Variants in GAPVD1 observed in about 807,000 individuals in gnomAD.
The protein encoded by GAPVD1 is GTPase activating protein and VPS9 domains 1, also known as GTPase-activating protein and VPS9 domain-containing protein 1.
Under a neutral mutation model 155.5 loss-of-function variants are expected in GAPVD1, and 35 were observed. That is an observed-to-expected ratio of 0.23 (90% CI 0.17 to 0.30). GAPVD1 has a LOEUF of 0.30. Ranked by LOEUF, GAPVD1 falls within the 10% of genes least tolerant of loss-of-function variation. GAPVD1 has a pLI of 1.00. For missense variants in GAPVD1, 1,429 were observed against 1,775.7 expected (o/e 0.80, Z 3.51); for synonymous variants, 636 against 619.7 (o/e 1.03, Z -0.39).
At position 125,361,539 on chromosome 9, in the gene GAPVD1, A is replaced by G. The variant is rs373982705; in HGVS notation, c.4242+814A>G. ...ACTCCATCTTAAAAAAAAAAAAAGC[A>G]GTGCCTGAAGTTCTTAGTTGGGGCT... On this transcript the variant is annotated intron_variant, in intron 27 of 27. Coordinates refer to ENST00000297933, the MANE Select transcript of GAPVD1 (RefSeq NM_001282680.3). Among the ~76,000 whole-genome samples the G allele has an allele frequency of 1.7e-3, 251 of 151,834 alleles. 1 individual carries two copies. Among genetic ancestry groups the G allele is most frequent in the African/African-American group, 5.6e-3 (233 of 41,448 alleles).
intron 15 of GAPVD1, among the ~76,000 whole-genome samples, chr9:125,334,192 T>C (rs1162541252): frequency 6.7e-6 from 1 of 148,420 alleles, no homozygotes; most frequent in Non-Finnish European, 1.5e-5. Flanking sequence ...GTACTTACGG[T>C]GCATAGGCAA....
intron 17 of GAPVD1, among the ~76,000 whole-genome samples, chr9:125,340,797 A>G (rs1196791413): frequency 2.0e-5 from 3 of 152,214 alleles, no homozygotes; most frequent in East Asian, 3.9e-4. Flanking sequence ...CCGTGCTCCA[A>G]AAGTCACCTA....
intron 2 of GAPVD1, among the ~76,000 whole-genome samples, chr9:125,293,230 A>G (rs1838883340): frequency 6.6e-6 from 1 of 152,118 alleles, no homozygotes; most frequent in South Asian, 2.1e-4. Context: ...TGCTGGTTTT[A>G]GAAGGGAGAT....
intron 2 of GAPVD1, among the ~76,000 whole-genome samples, chr9:125,285,802 A>G (rs1186953600): frequency 6.6e-6 from 1 of 150,496 alleles, no homozygotes; most frequent in African/African-American, 2.4e-5. Flanking sequence ...ATGCTGTTGA[A>G]CTTATTTTAT....
In GAPVD1 at chr9:125,345,031, G is replaced by C. The variant is rs144007035; in HGVS notation, c.3047-1788G>C. On this transcript the variant is annotated intron_variant, in intron 19 of 27. Transcript: ENST00000297933. ...TCAGGGAATTGGTTCCAGGACTCTT[G>C]CCCCCCCACTTCATACCCTAATCCG... Among the ~76,000 whole-genome samples, 116 of 152,022 alleles carry C rather than the reference G, an allele frequency of 7.6e-4. 1 individual carries two copies. Among genetic ancestry groups the C allele is most frequent in the South Asian group, 3.9e-3 (19 of 4,812 alleles).
Position 125,344,807 on chromosome 9 carries a change from T to TA in GAPVD1, c.3047-1997dup, listed in dbSNP as rs1189792717. On this transcript the variant is annotated intron_variant, in intron 19 of 27. Coordinates refer to ENST00000297933, the MANE Select transcript of GAPVD1 (RefSeq NM_001282680.3). ...TGACAGAGCAAGACCTTGTTTCTAT[T>TA]AAAAAAAAAAAAAAAGGCAGTAGCC... Among the ~76,000 whole-genome samples the TA allele has an allele frequency of 6.7e-3, 894 of 134,144 alleles. 4 individuals carry two copies. Among genetic ancestry groups the TA allele is most frequent in the Non-Finnish European group, 8.1e-3 (498 of 61,618 alleles). The allele number at this position is 134,144 out of a possible 152,430, so 88.0% of individuals were successfully genotyped here.
At chr9:125,268,751 C>G (rs1245531121) in intron 1 of GAPVD1, among the ~76,000 whole-genome samples, 185 bp from the exon 2 acceptor site, 1 of 152,094 alleles carries the variant, frequency 6.6e-6, no homozygotes, top group Non-Finnish European at 1.5e-5. Context: ...CCACACTGGT[C>G]TCAAACTCCT....
intron 11 of GAPVD1, among the ~76,000 whole-genome samples, chr9:125,325,896 T>G (rs1161390730): frequency 6.6e-6 from 1 of 152,224 alleles, no homozygotes; most frequent in African/African-American, 2.4e-5. Context: ...ATTCATAAGC[T>G]TTAAATTCTG....
rs115126005 is a variant in GAPVD1, at chr9:125,364,744, G to C, written c.*1998G>C. 104 of 152,716 alleles carry C rather than the reference G, an allele frequency of 6.8e-4. No homozygotes were observed. The highest frequency in any genetic ancestry group is 2.2e-3 in the African/African-American group (91 of 41,556). The allele number at this position is 152,716 out of a possible 1,614,324, so 9.5% of individuals were successfully genotyped here. Reference sequence around the variant, plus strand: ...GTCGTGCACTTCATTGGCTGTAACTGTCAAACTTGCCTTGTATTAGAAGTT... The same window carrying C: ...GTCGTGCACTTCATTGGCTGTAACTCTCAAACTTGCCTTGTATTAGAAGTT... On this transcript the variant is annotated 3_prime_UTR_variant, in exon 28 of 28. Transcript: ENST00000297933.
intron 3 of GAPVD1, among the ~76,000 whole-genome samples, chr9:125,295,835 C>A (rs943210892): frequency 1.4e-4 from 22 of 152,116 alleles, no homozygotes; most frequent in African/African-American, 5.3e-4. Context: ...ATTTTATGTT[C>A]TCTTTCTATC....
At chr9:125,322,768 C>A (rs1025989947) in intron 10 of GAPVD1, among the ~76,000 whole-genome samples, 4 of 151,868 alleles carry the variant, frequency 2.6e-5, no homozygotes, top group African/African-American at 9.7e-5. Context: ...ATAATAACTT[C>A]TGGGCTGGGC....
At chr9:125,266,054 A>G (rs1190740280) in intron 1 of GAPVD1, among the ~76,000 whole-genome samples, 1 of 150,814 alleles carries the variant, frequency 6.6e-6, no homozygotes, top group Non-Finnish European at 1.5e-5. Context: ...AGTTGAAGAT[A>G]GGCGTACTCT....
chr9:125,355,356 G>A (rs1181263035), intron 24 of GAPVD1, among the ~76,000 whole-genome samples: 3 of 152,108 alleles, frequency 2.0e-5, no homozygotes, highest in Non-Finnish European at 2.9e-5. Flanking sequence ...CGCCCACCTC[G>A]GCTTCCCAAA....
chr9:125,348,780 G>A (rs1848892157), intron 20 of GAPVD1, among the ~76,000 whole-genome samples: 4 of 152,160 alleles, frequency 2.6e-5, no homozygotes, highest in Admixed American at 2.0e-4. Flanking sequence ...CCAAAGTGCT[G>A]GGATTACAGG....
At chr9:125,282,572 T>G (rs1836964309) in intron 2 of GAPVD1, among the ~76,000 whole-genome samples, 1 of 152,254 alleles carries the variant, frequency 6.6e-6, no homozygotes, top group South Asian at 2.1e-4. Context: ...AAGGTCATTT[T>G]GGTCAATTTT....
At chr9:125,262,145 C>T (rs1833020544) in intron 1 of GAPVD1, among the ~76,000 whole-genome samples, 186 bp downstream of exon 1, 1 of 152,052 alleles carries the variant, frequency 6.6e-6, no homozygotes, top group Non-Finnish European at 1.5e-5. Flanking sequence ...TGGGTTAGAC[C>T]CAGGGGAGAG....
intron 2 of GAPVD1, among the ~76,000 whole-genome samples, chr9:125,275,418 G>A (rs1357610550): frequency 1.3e-5 from 2 of 152,178 alleles, no homozygotes; most frequent in Non-Finnish European, 2.9e-5. Flanking sequence ...TACATGGTTT[G>A]AGTGTACCAT....
At chr9:125,273,825 C>T (rs1173502819) in intron 2 of GAPVD1, among the ~76,000 whole-genome samples, 1 of 152,054 alleles carries the variant, frequency 6.6e-6, no homozygotes, top group Non-Finnish European at 1.5e-5. Context: ...TCTTGGACCT[C>T]TGCCTTATCT....
At chr9:125,293,709 AT>A (rs200597430) in intron 2 of GAPVD1, among the ~76,000 whole-genome samples, 10,140 of 63,828 alleles carry the variant, frequency 0.16, 586 homozygotes, top group Middle Eastern at 0.26. Context: ...TTAAATATAT[AT>A]TTTTATATTT....
Sources: gnomAD v4.1 joint callset for allele counts (sites outside exome capture counted in the v4.1 genomes callset) on GRCh38, gnomAD v4.1.1 for gene constraint, MANE v1.5 for transcripts, NCBI Gene and HGNC (gene_info 2026-07-23, HGNC 2026-07-21) for gene names.